The following MYH15 variants were observed in gnomAD, a reference collection of about 807,000 sequenced individuals.
MYH15 encodes the protein myosin heavy chain 15, also known as myosin-15.
Under a neutral mutation model 240.5 loss-of-function variants are expected in MYH15, and 227 were observed. The ratio of observed to expected loss-of-function variants is 0.94; its 90% confidence interval spans 0.85 to 1.05. MYH15 has a LOEUF of 1.05. Ranked by LOEUF, MYH15 falls within the 50% of genes least tolerant of loss-of-function variation. The probability of loss-of-function intolerance (pLI) is 0.00; values close to 1 mark genes in which losing one functional copy is unlikely to be tolerated. For missense variants in MYH15, 2,217 were observed against 2,247.5 expected, an observed-to-expected ratio of 0.99 and a Z score of 0.27; for synonymous variants, 785 against 796.7, an observed-to-expected ratio of 0.99 and a Z score of 0.25.
Position 108,501,755 on chromosome 3 carries a change from A to G in MYH15, c.296T>C (p.Val99Ala). The change falls in exon 3 of 41, where the codon GTG becomes GCG. Residue 99 changes from valine (V) to alanine (A), a missense_variant. Transcript: ENST00000693548. The part of the protein sequence containing the change: ...AMLTHLNEAS[V>A]LHTLKRRYGQ... ...ATAGCGCCGCTTCAGGGTATGCAGC[A>G]CGGATGCCTCATTGAGGTGAGTCAG... 1.2e-6 allele frequency: 2 copies of G among 1,614,118 alleles called. No homozygotes were observed. Among genetic ancestry groups the G allele is most frequent in the Non-Finnish European group, 1.7e-6 (2 of 1,179,976 alleles).
chr3:108,549,775 G>A, the MYH15 span: 4 of 151,960 alleles, frequency 2.6e-5, no homozygotes, highest in Admixed American at 2.6e-4. Flanking sequence ...AGGCTAGGCT[G>A]TCTCAAGATG....
intron 1 of MYH15, among the ~76,000 whole-genome samples, chr3:108,525,124 G>A (rs559263519): frequency 1.3e-5 from 2 of 152,090 alleles, no homozygotes; most frequent in East Asian, 3.9e-4. Flanking sequence ...GCTAAAGATT[G>A]GGGGTTCCAA....
intron 19 of MYH15, 130 bp downstream of exon 19, chr3:108,456,636 C>A (rs1015825346): frequency 3.0e-6 from 2 of 669,902 alleles, no homozygotes; most frequent in Non-Finnish European, 5.3e-6. Flanking sequence ...TATCTTCCCA[C>A]CACCAAAACA....
At chr3:108,450,708 C>T (rs370287701) in intron 21 of MYH15, among the ~76,000 whole-genome samples, 11 of 152,168 alleles carry the variant, frequency 7.2e-5, no homozygotes, top group African/African-American at 2.7e-4. Flanking sequence ...TCTCACCACA[C>T]ACACAAAAGA....
chr3:108,462,066 G>A (rs146406273), intron 16 of MYH15, among the ~76,000 whole-genome samples: 99 of 152,216 alleles, frequency 6.5e-4, no homozygotes, highest in African/African-American at 2.2e-3. Flanking sequence ...ACTCAAATGT[G>A]CATGTGAAAT....
intron 3 of MYH15, among the ~76,000 whole-genome samples, chr3:108,500,697 C>T (rs114698506): frequency 0.012 from 1,871 of 152,204 alleles, 19 homozygotes; most frequent in Middle Eastern, 0.024. Flanking sequence ...GTTGAATTGT[C>T]GCCCCCAAAT....
At chr3:108,388,357 A>G (rs182080677) in intron 38 of MYH15, among the ~76,000 whole-genome samples, 2 of 152,318 alleles carry the variant, frequency 1.3e-5, no homozygotes, top group East Asian at 3.9e-4. Flanking sequence ...TGATATTTTT[A>G]CTTTAGAAAT....
intron 4 of MYH15, 40 bp from the exon 5 acceptor site, chr3:108,499,522 G>A (rs201030818): frequency 2.0e-5 from 31 of 1,573,874 alleles, no homozygotes; most frequent in African/African-American, 5.4e-5. Flanking sequence ...TCTTATATTC[G>A]ATATTTATGT....
rs1576267192 is a variant in MYH15, at chr3:108,492,604, T to C, written c.776-9A>G. 1.2e-6 allele frequency: 2 copies of C among 1,602,568 alleles called. No homozygotes were observed. The highest frequency in any genetic ancestry group is 8.5e-7 in the Non-Finnish European group (1 of 1,170,550). On this transcript the variant is annotated splice_polypyrimidine_tract_variant and intron_variant, in intron 8 of 40. Transcript: ENST00000693548. ...GGACTTTTCAAGCAAATCTGGATGA[T>C]GAGAAATGAATAAAAATTCATACTT...
Position 108,476,429 on chromosome 3 carries a change from C to T in MYH15, c.1201G>A (p.Glu401Lys), listed in dbSNP as rs267599529. Reference protein sequence around the residue: ...LIHPRIKVGNEYVTRGQTIEQ... With the variant: ...LIHPRIKVGNKYVTRGQTIEQ... ...ATAGTTTGACCTCTGGTAACATATT[C>T]GTTACCAACTTTGATTCTAGGATGG... Residue 401 changes from glutamate to lysine, a missense_variant, in exon 12 of 41, where the codon GAA becomes AAA. By Grantham distance (56) the Glu-to-Lys change is moderately conservative. Coordinates refer to ENST00000693548, the MANE Select transcript of MYH15 (RefSeq NM_014981.3). 2 of 1,610,188 alleles carry T rather than the reference C, an allele frequency of 1.2e-6. No homozygotes were observed. The highest frequency in any genetic ancestry group is 2.2e-5 in the South Asian group (2 of 90,958).
intron 27 of MYH15, 87 bp from the exon 28 acceptor site, chr3:108,421,301 A>G (rs4593038): frequency 1 from 1,486,401 of 1,487,044 alleles, 742,880 homozygotes; most frequent in Middle Eastern, 1. Context: ...GAGTGGCTCC[A>G]GGGATCCGCA....
At chr3:108,548,488 A>G in the MYH15 span, among the ~76,000 whole-genome samples, 1 of 152,108 alleles carries the variant, frequency 6.6e-6, no homozygotes, top group Non-Finnish European at 1.5e-5. Context: ...TCATTTATGT[A>G]TTGTCTATGG....
At chr3:108,430,789 G>T in intron 26 of MYH15, 43 bp downstream of exon 26, 1 of 1,442,860 alleles carries the variant, frequency 6.9e-7, no homozygotes, top group Non-Finnish European at 9.7e-7. Context: ...CATCACCCAT[G>T]GATCTAAATA....
intron 15 of MYH15, among the ~76,000 whole-genome samples, chr3:108,464,145 T>G (rs2083094298): frequency 6.6e-6 from 1 of 151,992 alleles, no homozygotes; most frequent in Admixed American, 6.6e-5. Context: ...CAGCCAGAAG[T>G]AGAAATGCAG....
rs532585794 is a variant in MYH15 at position 108,509,032 on chromosome 3, T to A, written c.88+1411A>T. 5.3e-5 allele frequency among the ~76,000 whole-genome samples: 8 copies of A among 152,266 alleles called. No individual in the cohort carries two copies. In the East Asian group the frequency reaches 1.5e-3, roughly 29 times the overall value. ...AATAAAGTGAAGTGATTTGCTCTAATTACCCAGCCAGAGATGGTCAAGGAC... is the reference window on the plus strand; with the variant it reads ...AATAAAGTGAAGTGATTTGCTCTAAATACCCAGCCAGAGATGGTCAAGGAC... On this transcript the variant is annotated intron_variant, in intron 1 of 40. Transcript: ENST00000693548.
At chr3:108,429,956 T>C (rs1368946780) in intron 26 of MYH15, among the ~76,000 whole-genome samples, 1 of 152,196 alleles carries the variant, frequency 6.6e-6, no homozygotes, top group African/African-American at 2.4e-5. Flanking sequence ...AAATAATCTT[T>C]AGAGAACTTT....
upstream of MYH15, chr3:108,529,447 A>G (rs1348079886): frequency 3.7e-6 from 2 of 536,370 alleles, no homozygotes; most frequent in East Asian, 6.5e-5. Flanking sequence ...TGCTTGGGAC[A>G]GGGAAATAAT....
chr3:108,532,597 A>G (rs1188730926), upstream of MYH15, among the ~76,000 whole-genome samples: 2 of 152,182 alleles, frequency 1.3e-5, no homozygotes, highest in African/African-American at 4.8e-5. Context: ...CATGTAAGCC[A>G]ATTTCTTATG....
intron 11 of MYH15, among the ~76,000 whole-genome samples, chr3:108,479,731 A>G (rs1161797766): frequency 6.6e-6 from 1 of 152,184 alleles, no homozygotes; most frequent in African/African-American, 2.4e-5. Flanking sequence ...GGAAAGAACA[A>G]AGTATGACTT....
Sources: allele counts gnomAD v4.1 joint callset (sites outside exome capture counted in the v4.1 genomes callset), GRCh38; gene constraint gnomAD v4.1.1; transcripts MANE v1.5; gene names NCBI Gene and HGNC (gene_info 2026-07-23, HGNC 2026-07-21).